The following JARID2 variants were observed in gnomAD, a reference collection of about 807,000 sequenced individuals.
The protein encoded by JARID2 is protein Jumonji.
A neutral mutation model predicts 125.6 loss-of-function variants in JARID2; 21 were observed. The ratio of observed to expected loss-of-function variants is 0.17; its 90% CI spans 0.12 to 0.24. The LOEUF (loss-of-function observed/expected upper bound fraction) is 0.24, where lower values mean the gene tolerates loss of function less well. Among genes scored for constraint, JARID2 ranks in the 10% least tolerant of loss-of-function variants. The probability of loss-of-function intolerance (pLI) is 1.00; values close to 1 mark genes in which losing one functional copy is unlikely to be tolerated. For synonymous variants in JARID2, 736 were observed against 661.6 expected (o/e 1.11, Z -1.73); for missense variants, 1,303 against 1,639.6 (o/e 0.79, Z 3.55).
In JARID2 at chr6:15,356,318, A is replaced by C. The variant is rs993210820; in HGVS notation, c.46-17799A>C. Among the ~76,000 whole-genome samples, 15 of 152,154 alleles carry C rather than the reference A, an allele frequency of 9.9e-5. 1 individual carries two copies. The highest frequency in any genetic ancestry group is 3.6e-4 in the African/African-American group (15 of 41,418). On this transcript the variant is annotated intron_variant, in intron 1 of 17. Transcript: ENST00000341776. Reference sequence around the variant, plus strand: ...CCCAGGAATAGAATTGAATAATTCTATGTTTAACTTTTTGAGGAACCCACA... The same window carrying C: ...CCCAGGAATAGAATTGAATAATTCTCTGTTTAACTTTTTGAGGAACCCACA...
chr6:15,263,065 GGTGTGTGTTTGTGTGT>G (rs1471023522), intron 1 of JARID2, among the ~76,000 whole-genome samples: 51 of 141,090 alleles, frequency 3.6e-4, no homozygotes, highest in African/African-American at 1.3e-3. Flanking sequence ...CCCTTTGGAG[GGTGTGTGTTTGTGTGT>G]GTGTGTGTGT....
chr6:15,468,831 T>C (rs1768875802), intron 5 of JARID2, 113 bp downstream of exon 5: 2 of 1,011,272 alleles, frequency 2.0e-6, no homozygotes, highest in South Asian at 1.7e-5. Flanking sequence ...TCTGGGTACT[T>C]CTCCAGGGCC....
At chr6:15,492,393 C>T (rs904140660) in intron 6 of JARID2, among the ~76,000 whole-genome samples, 1 of 152,194 alleles carries the variant, frequency 6.6e-6, no homozygotes, top group Non-Finnish European at 1.5e-5. Context: ...GGTGGCCTTC[C>T]TTGTAGTGCA....
At chr6:15,406,591 G>C (rs944151914) in intron 2 of JARID2, among the ~76,000 whole-genome samples, 1 of 152,178 alleles carries the variant, frequency 6.6e-6, no homozygotes, top group African/African-American at 2.4e-5. Context: ...GGAGTTCTTG[G>C]AAGATTTAGT....
intron 5 of JARID2, among the ~76,000 whole-genome samples, chr6:15,476,994 A>AG (rs1320178977): frequency 6.6e-6 from 1 of 152,216 alleles, no homozygotes; most frequent in Non-Finnish European, 1.5e-5. Flanking sequence ...GCTTGTTGCT[A>AG]GGTCAGCTGC....
intron 3 of JARID2, among the ~76,000 whole-genome samples, chr6:15,424,207 A>G (rs1371417674): frequency 6.8e-6 from 1 of 147,622 alleles, no homozygotes; most frequent in Non-Finnish European, 1.5e-5. Context: ...GCCTCAAGTG[A>G]TCCTCCTGCC....
chr6:15,419,311 C>T (rs1027353453), intron 3 of JARID2, among the ~76,000 whole-genome samples: 1 of 152,126 alleles, frequency 6.6e-6, no homozygotes, highest in African/African-American at 2.4e-5. Flanking sequence ...AATGTACTCT[C>T]TACTACAGAA....
At position 15,515,759 on chromosome 6, in the gene JARID2, AAAAAC is replaced by A. The variant is rs1183191832; in HGVS notation, c.3451-1397_3451-1393del. Among the ~76,000 whole-genome samples the A allele has an allele frequency of 7.3e-5, 11 of 150,210 alleles. No homozygotes were observed. The East Asian group carries it at 7.8e-4, about 11-fold the overall frequency. On this transcript the variant is annotated intron_variant, in intron 16 of 17. Transcript: ENST00000341776. ...GTGACAACCTGTCTCTTTAAAAAAA[AAAAAC>A]AAAAACAAAAACCAGGCACGGTGGC...
intron 5 of JARID2, among the ~76,000 whole-genome samples, chr6:15,480,113 A>T (rs1184806503): frequency 6.6e-6 from 1 of 152,164 alleles, no homozygotes; most frequent in Non-Finnish European, 1.5e-5. Context: ...CTTGCGGTGG[A>T]TCTCTTTTCC....
At chr6:15,360,238 A>G (rs541058938) in intron 1 of JARID2, among the ~76,000 whole-genome samples, 1 of 152,188 alleles carries the variant, frequency 6.6e-6, no homozygotes, top group African/African-American at 2.4e-5. Flanking sequence ...GCTGAAGTGC[A>G]GTGGCATGAT....
At chr6:15,502,589 G>C (rs1770796410) in intron 8 of JARID2, among the ~76,000 whole-genome samples, 1 of 152,226 alleles carries the variant, frequency 6.6e-6, no homozygotes, top group African/African-American at 2.4e-5. Context: ...GCGGGCTTCT[G>C]ATACCATCAC....
chr6:15,442,265 A>C (rs1463214557), intron 3 of JARID2, among the ~76,000 whole-genome samples: 1 of 152,174 alleles, frequency 6.6e-6, no homozygotes, highest in Admixed American at 6.5e-5. Flanking sequence ...TGTTGAAATG[A>C]TATTTTAAAA....
At chr6:15,401,375 C>T (rs1392514277) in intron 2 of JARID2, among the ~76,000 whole-genome samples, 1 of 152,186 alleles carries the variant, frequency 6.6e-6, no homozygotes, top group Non-Finnish European at 1.5e-5. Context: ...TGACTTTAGA[C>T]ATTTCTCTGG....
intron 3 of JARID2, among the ~76,000 whole-genome samples, chr6:15,432,843 CCT>C (rs1342354635): frequency 6.6e-6 from 1 of 152,176 alleles, no homozygotes; most frequent in Non-Finnish European, 1.5e-5. Context: ...AGTGTCTGAG[CCT>C]CTCTGTTTCC....
At chr6:15,461,717 C>G (rs961267016) in intron 4 of JARID2, among the ~76,000 whole-genome samples, 1 of 152,138 alleles carries the variant, frequency 6.6e-6, no homozygotes, top group African/African-American at 2.4e-5. Flanking sequence ...AGTCACTCAG[C>G]TTGCTTTTGC....
At chr6:15,438,554 A>G (rs541328262) in intron 3 of JARID2, among the ~76,000 whole-genome samples, 2 of 152,098 alleles carry the variant, frequency 1.3e-5, no homozygotes, top group Non-Finnish European at 2.9e-5. Flanking sequence ...TATTTTTCTG[A>G]CAATTCCAAC....
In JARID2 at chr6:15,323,691, C is replaced by T. The variant is rs528761626; in HGVS notation, c.46-50426C>T. On this transcript the variant is annotated intron_variant, in intron 1 of 17. Transcript: ENST00000341776. ...CTGTAATCCCTGCACTTTGGGAGGC[C>T]GAAGCAGGCAGATCGCAACATGGTG... is the stretch of plus-strand genomic sequence containing the variant. Among the ~76,000 whole-genome samples the T allele has an allele frequency of 4.1e-4, 62 of 151,858 alleles. 2 individuals are homozygous for T. Among genetic ancestry groups the T allele is most frequent in the Middle Eastern group, 3.4e-3 (1 of 294 alleles).
At chr6:15,338,962 A>G (rs960854235) in intron 1 of JARID2, among the ~76,000 whole-genome samples, 1 of 152,212 alleles carries the variant, frequency 6.6e-6, no homozygotes, top group African/African-American at 2.4e-5. Context: ...TTTTGAATTA[A>G]GACCTTGACG....
At chr6:15,275,654 C>T (rs1561762932) in intron 1 of JARID2, among the ~76,000 whole-genome samples, 1 of 150,966 alleles carries the variant, frequency 6.6e-6, no homozygotes, top group East Asian at 1.9e-4. Flanking sequence ...TTGATTATGG[C>T]GTTACATTAT....
Sources: gnomAD v4.1 joint callset for allele counts (sites outside exome capture counted in the v4.1 genomes callset) on GRCh38, gnomAD v4.1.1 for gene constraint, MANE v1.5 for transcripts, NCBI Gene and HGNC (gene_info 2026-07-23, HGNC 2026-07-21) for gene names.